SLC44A1: variants seen among roughly 807,000 people sequenced by gnomAD.
The protein encoded by SLC44A1 is solute carrier family 44 member 1.
A neutral mutation model predicts 79.3 loss-of-function variants in SLC44A1; 26 were observed. The ratio of observed to expected loss-of-function variants is 0.33; its 90% CI spans 0.24 to 0.46. The LOEUF is 0.46. SLC44A1 is among the 20% of genes least tolerant of loss of function. The pLI is 1.00. For synonymous variants in SLC44A1, 263 were observed against 286.2 expected (o/e 0.92, Z 0.82); for missense variants, 688 against 798.1 (o/e 0.86, Z 1.66).
Position 105,304,944 on chromosome 9 carries a change from G to GTTTTTTTTTGTTTTTTT in SLC44A1, c.127-4771_127-4770insGTTTTTTTTTTTTTTTT, listed in dbSNP as rs1554790127. ...GTAGTTATTCCCTAGACTTTCTATC[G>GTTTTTTTTTGTTTTTTT]TTTTTTTTTTTTTTTTTTTTTTTTT... On this transcript the variant is annotated intron_variant, in intron 2 of 15. Transcript: ENST00000374720. 1.0e-4 allele frequency among the ~76,000 whole-genome samples: 2 copies of GTTTTTTTTTGTTTTTTT among 20,086 alleles called. 1 individual carries two copies. The highest frequency in any genetic ancestry group is 2.2e-4 in the Non-Finnish European group (2 of 8,998). The allele number at this position is 20,086 out of a possible 152,430, so 13.2% of individuals were successfully genotyped here. A position where few individuals can be genotyped will look rare whatever the true frequency, so the allele number is the denominator to read the frequency against.
At chr9:105,420,772 A>T (rs1296667739) in intron 15 of SLC44A1, among the ~76,000 whole-genome samples, 1 of 151,446 alleles carries the variant, frequency 6.6e-6, no homozygotes, top group South Asian at 2.1e-4. Context: ...AAGGCAGGAG[A>T]ATCACTTGAA....
rs1452060798 is a variant in SLC44A1, at chr9:105,365,529, C to T, written c.1300C>T (p.Arg434Cys). Reference sequence around the variant, plus strand: ...TACACCTATTTTGGCATCAGTAAATCGCCTTATTCGTTACCACCTAGGTAC... The same window carrying T: ...TACACCTATTTTGGCATCAGTAAATTGCCTTATTCGTTACCACCTAGGTAC... ...PFTPILASVN[R>C]LIRYHLGTVA... The change falls in exon 11 of 16, where the codon CGC becomes TGC. Residue 434 changes from arginine (R) to cysteine (C), a missense_variant. Transcript: ENST00000374720. 2 of 1,613,150 alleles carry T rather than the reference C, an allele frequency of 1.2e-6. No homozygotes were observed. The highest frequency in any genetic ancestry group is 2.2e-5 in the East Asian group (1 of 44,866).
chr9:105,407,369 A>T (rs1417531425), intron 15 of SLC44A1, among the ~76,000 whole-genome samples: 1 of 152,246 alleles, frequency 6.6e-6, no homozygotes, highest in African/African-American at 2.4e-5. Flanking sequence ...TCCACACTCA[A>T]ACAGATTATA....
chr9:105,276,572 G>A (rs1408713073), intron 1 of SLC44A1, among the ~76,000 whole-genome samples: 5 of 75,424 alleles, frequency 6.6e-5, no homozygotes, highest in African/African-American at 5.3e-4. Flanking sequence ...AGCCGTGTGT[G>A]TGTGTGTGTG....
chr9:105,290,493 G>A (rs1305754892), intron 1 of SLC44A1, among the ~76,000 whole-genome samples: 1 of 152,202 alleles, frequency 6.6e-6, no homozygotes, highest in Non-Finnish European at 1.5e-5. Flanking sequence ...TGCAGGCAAG[G>A]CTTGTCTGTA....
intron 15 of SLC44A1, among the ~76,000 whole-genome samples, chr9:105,407,940 G>T (rs1015266842): frequency 6.6e-6 from 1 of 151,842 alleles, no homozygotes; most frequent in African/African-American, 2.4e-5. Context: ...GCCGAGGCAG[G>T]TGGATCACCT....
intron 15 of SLC44A1, 130 bp from the exon 16 acceptor site, chr9:105,388,902 AG>A: frequency 1.4e-6 from 1 of 702,116 alleles, no homozygotes; most frequent in Admixed American, 2.0e-5. Flanking sequence ...CCAGGAATTC[AG>A]GGGAGAAGGA....
At chr9:105,262,282 A>T (rs1829859834) in intron 1 of SLC44A1, among the ~76,000 whole-genome samples, 1 of 152,184 alleles carries the variant, frequency 6.6e-6, no homozygotes, top group African/African-American at 2.4e-5. Context: ...AAACTTTAGG[A>T]TAAAGTTATT....
chr9:105,433,300 C>G (rs745846376), intron 15 of SLC44A1, among the ~76,000 whole-genome samples: 26 of 151,656 alleles, frequency 1.7e-4, no homozygotes, highest in Non-Finnish European at 3.4e-4. Flanking sequence ...CCATCTCAAA[C>G]AAACAAACAA....
intron 15 of SLC44A1, among the ~76,000 whole-genome samples, chr9:105,410,984 C>A (rs1028256231): frequency 3.3e-5 from 5 of 152,066 alleles, no homozygotes; most frequent in African/African-American, 1.2e-4. Flanking sequence ...CTAAAATAGG[C>A]AAAATCCATA....
intron 4 of SLC44A1, among the ~76,000 whole-genome samples, chr9:105,345,648 T>C (rs1827225876): frequency 6.6e-6 from 1 of 152,092 alleles, no homozygotes; most frequent in African/African-American, 2.4e-5. Flanking sequence ...ATATAACTGA[T>C]ACTGAGCTAA....
In SLC44A1 at chr9:105,392,078, A is replaced by G. The variant is rs1235683970; in HGVS notation, c.*3022A>G. ...TGTAAATCCAAGAGACCCATCTTCT[A>G]TGAGAGGCTTACCAGTGCATTAGTA... On this transcript the variant is annotated 3_prime_UTR_variant, in exon 16 of 16. Coordinates refer to ENST00000374720, the MANE Select transcript of SLC44A1 (RefSeq NM_080546.5). 1 of 985,262 alleles carries G rather than the reference A, an allele frequency of 1.0e-6. No homozygotes were observed. Among genetic ancestry groups the G allele is most frequent in the Admixed American group, 6.2e-5 (1 of 16,258 alleles). 61.0% of individuals were successfully genotyped at this position (985,262 alleles called of 1,614,324 possible). A position where few individuals can be genotyped will look rare whatever the true frequency, so the allele number is the denominator to read the frequency against.
intron 15 of SLC44A1, among the ~76,000 whole-genome samples, chr9:105,418,603 C>A (rs1829205738): frequency 6.6e-6 from 1 of 152,140 alleles, no homozygotes; most frequent in Non-Finnish European, 1.5e-5. Flanking sequence ...CTTCCCACTC[C>A]CCTGTTGTTC....
intron 4 of SLC44A1, among the ~76,000 whole-genome samples, chr9:105,343,909 T>G (rs892620805): frequency 3.9e-5 from 6 of 152,208 alleles, no homozygotes; most frequent in East Asian, 1.9e-4. Flanking sequence ...CCAACAGTGG[T>G]TGACAGACGA....
At chr9:105,386,104 C>T (rs1828619362) in intron 15 of SLC44A1, 2 of 984,110 alleles carry the variant, frequency 2.0e-6, no homozygotes, top group Admixed American at 1.2e-4. Context: ...TAGTCTTCTC[C>T]CAGTTTAATT....
chr9:105,407,365 C>T (rs1829041760), intron 15 of SLC44A1, among the ~76,000 whole-genome samples: 1 of 152,176 alleles, frequency 6.6e-6, no homozygotes, highest in Non-Finnish European at 1.5e-5. Context: ...GAGATCCACA[C>T]TCAAACAGAT....
At chr9:105,285,965 G>A (rs1830464217) in intron 1 of SLC44A1, among the ~76,000 whole-genome samples, 1 of 152,088 alleles carries the variant, frequency 6.6e-6, no homozygotes, top group Admixed American at 6.6e-5. Flanking sequence ...CACAGACATG[G>A]TGGCATGTGC....
At chr9:105,256,327 T>G (rs905558435) in intron 1 of SLC44A1, among the ~76,000 whole-genome samples, 1 of 152,086 alleles carries the variant, frequency 6.6e-6, no homozygotes, top group African/African-American at 2.4e-5. Flanking sequence ...TATATTCTTG[T>G]GGTAATTTTA....
intron 3 of SLC44A1, among the ~76,000 whole-genome samples, chr9:105,311,769 C>T (rs1226320285): frequency 6.6e-6 from 1 of 152,132 alleles, no homozygotes. Flanking sequence ...TTAGTGCTAA[C>T]CTACTTAAGT....
Sources: allele counts gnomAD v4.1 joint callset (sites outside exome capture counted in the v4.1 genomes callset), GRCh38; gene constraint gnomAD v4.1.1; transcripts MANE v1.5; gene names NCBI Gene and HGNC (gene_info 2026-07-23, HGNC 2026-07-21).